The following CEP112 variants were observed in gnomAD, a reference collection of about 807,000 sequenced individuals.
CEP112 encodes centrosomal protein 112, also known as centrosomal protein of 112 kDa.
A neutral mutation model predicts 153.0 loss-of-function variants in CEP112; 127 were observed. The ratio of observed to expected loss-of-function variants is 0.83; its 90% CI spans 0.72 to 0.96. CEP112 has a LOEUF of 0.96. Among genes scored for constraint, CEP112 ranks in the 40% least tolerant of loss-of-function variants. The pLI is 0.00. For missense variants in CEP112, 1,089 were observed against 1,101.2 expected (o/e 0.99, Z 0.16); for synonymous variants, 358 against 374.4 (o/e 0.96, Z 0.51).
rs143494226 is a variant in CEP112, at chr17:65,698,831, T to A, written c.2608-9613A>T. On this transcript the variant is annotated intron_variant, in intron 23 of 26. Coordinates refer to ENST00000535342, the MANE Select transcript of CEP112 (RefSeq NM_001199165.4). ...TAAGCACTCAAACTTGAGTTCAGTCTCTGTGGAACAGAGTGTTAACTGTTA... is the reference window on the plus strand; with the variant it reads ...TAAGCACTCAAACTTGAGTTCAGTCACTGTGGAACAGAGTGTTAACTGTTA... Among the ~76,000 whole-genome samples the A allele has an allele frequency of 4.7e-4, 71 of 152,290 alleles. 1 individual carries two copies. The East Asian group carries it at 0.01, about 22-fold the overall frequency.
chr17:66,089,109 G>C (rs1216186406), intron 8 of CEP112, among the ~76,000 whole-genome samples: 1 of 152,176 alleles, frequency 6.6e-6, no homozygotes, highest in Non-Finnish European at 1.5e-5. Flanking sequence ...CCCACTTTCT[G>C]ACCCTGCCTG....
intron 17 of CEP112, among the ~76,000 whole-genome samples, chr17:65,985,138 T>G (rs1355850829): frequency 6.6e-6 from 1 of 152,116 alleles, no homozygotes; most frequent in Non-Finnish European, 1.5e-5. Flanking sequence ...AAGCCGCAGT[T>G]GAAGGGGTTG....
chr17:65,919,218 T>C (rs958872110), intron 19 of CEP112, among the ~76,000 whole-genome samples: 2 of 152,208 alleles, frequency 1.3e-5, no homozygotes, highest in Non-Finnish European at 2.9e-5. Context: ...AGTCTATGTT[T>C]GTTTTAATAG....
At chr17:65,911,835 T>A (rs1242888764) in intron 19 of CEP112, among the ~76,000 whole-genome samples, 2 of 152,194 alleles carry the variant, frequency 1.3e-5, no homozygotes, top group Non-Finnish European at 2.9e-5. Context: ...TATTTATCAA[T>A]CTCTCATAGA....
intron 4 of CEP112, among the ~76,000 whole-genome samples, chr17:66,132,969 G>A (rs577919294): frequency 2.6e-5 from 4 of 152,066 alleles, no homozygotes; most frequent in Non-Finnish European, 5.9e-5. Context: ...AACCTGGGAG[G>A]CAGAGGTTGC....
chr17:65,918,129 G>A (rs1177409694), intron 19 of CEP112, among the ~76,000 whole-genome samples: 1 of 147,636 alleles, frequency 6.8e-6, no homozygotes, highest in Non-Finnish European at 1.5e-5. Context: ...GCAGTGAGCC[G>A]AGATTGCGCC....
chr17:65,965,993 C>T lies in CEP112; in HGVS notation c.1737-4395G>A, dbSNP rs185612935. Among the ~76,000 whole-genome samples, 1,001 of 151,998 alleles carry T rather than the reference C, an allele frequency of 6.6e-3. 4 individuals carry two copies. The highest frequency in any genetic ancestry group is 7.8e-3 in the Non-Finnish European group (530 of 67,982). ...GAACAGCGCTCCTTTTTACCATGAT[C>T]CCAATAGTGCATCCTGAAAGAAGGA... is the stretch of plus-strand genomic sequence containing the variant. On this transcript the variant is annotated intron_variant, in intron 17 of 26. Transcript: ENST00000535342.
At chr17:66,175,998 T>A (rs1216931201) in intron 3 of CEP112, among the ~76,000 whole-genome samples, 2 of 152,202 alleles carry the variant, frequency 1.3e-5, no homozygotes, top group African/African-American at 2.4e-5. Context: ...CCACTCCATA[T>A]GGGACATGCA....
rs190747172 is a variant in CEP112, at chr17:65,730,761, C to T, written c.2607+12307G>A. Among the ~76,000 whole-genome samples the T allele has an allele frequency of 2.0e-4, 28 of 138,686 alleles. No individual in the cohort carries two copies. In the East Asian group the frequency reaches 5.3e-3, roughly 26 times the overall value. The allele number at this position is 138,686 out of a possible 152,430, so 91.0% of individuals were successfully genotyped here. ...CCCAATCTTATGAAATATTCTACAA[C>T]CCCCACCCCCCGCCCCCAACCAAGC... On this transcript the variant is annotated intron_variant, in intron 23 of 26. Transcript: ENST00000535342.
rs193166832 is a variant in CEP112 at position 66,030,870 on chromosome 17, G to A, written c.1219-847C>T. Among the ~76,000 whole-genome samples, 131 of 152,248 alleles carry A rather than the reference G, an allele frequency of 8.6e-4. 3 individuals are homozygous for A. The South Asian group carries it at 8.7e-3, about 10-fold the overall frequency. ...TAGTATGATGTTGCACTCAACTATT[G>A]TGTTATTCTAAGAGAACCATTTTAA... On this transcript the variant is annotated intron_variant, in intron 12 of 26. Coordinates refer to ENST00000535342, the MANE Select transcript of CEP112 (RefSeq NM_001199165.4).
chr17:65,991,045 G>T (rs2063575813), intron 17 of CEP112, among the ~76,000 whole-genome samples: 1 of 152,232 alleles, frequency 6.6e-6, no homozygotes, highest in African/African-American at 2.4e-5. Context: ...CAGGCTCTGA[G>T]ATGTCCTGGC....
Position 65,902,301 on chromosome 17 carries a change from TCTC to T in CEP112, c.2011_2013del (p.Glu671del), listed in dbSNP as rs2059899325. ...TTATGCTGCTGTAATAGGTGCGTCT[TCTC>T]CTGTTCATGCTCCAGCTTCAGCTCT... On this transcript the variant is annotated inframe_deletion, in exon 20 of 27. Coordinates refer to ENST00000535342, the MANE Select transcript of CEP112 (RefSeq NM_001199165.4). 6.2e-7 allele frequency: 1 copy of T among 1,613,582 alleles called. No individual in the cohort carries two copies. Among genetic ancestry groups the T allele is most frequent in the Non-Finnish European group, 8.5e-7 (1 of 1,179,890 alleles).
At chr17:66,188,265 G>C (rs895946292) in intron 1 of CEP112, among the ~76,000 whole-genome samples, 1 of 142,614 alleles carries the variant, frequency 7.0e-6, no homozygotes, top group African/African-American at 2.7e-5. Context: ...ATTTAGGCCT[G>C]TCTCTCACAC....
chr17:65,844,488 C>G (rs1165042607), intron 21 of CEP112, among the ~76,000 whole-genome samples: 1 of 151,450 alleles, frequency 6.6e-6, no homozygotes, highest in Non-Finnish European at 1.5e-5. Flanking sequence ...AGTTCAAGAC[C>G]AGCCTGGTCA....
At chr17:66,120,643 C>T (rs1022069362) in intron 6 of CEP112, among the ~76,000 whole-genome samples, 2 of 152,186 alleles carry the variant, frequency 1.3e-5, no homozygotes, top group Admixed American at 1.3e-4. Flanking sequence ...CAAATGTATG[C>T]CCATAGAGTT....
intron 4 of CEP112, among the ~76,000 whole-genome samples, chr17:66,157,021 C>T (rs1162084178): frequency 2.0e-5 from 3 of 152,098 alleles, no homozygotes; most frequent in Non-Finnish European, 4.4e-5. Context: ...TCAGGAAATA[C>T]AGAGAGCACT....
chr17:65,971,634 T>C (rs932387049), intron 17 of CEP112, among the ~76,000 whole-genome samples: 4 of 150,346 alleles, frequency 2.7e-5, no homozygotes, highest in Non-Finnish European at 5.9e-5. Context: ...CCATGCATAT[T>C]GCGTTATATT....
chr17:65,845,442 A>G (rs2057694772), intron 21 of CEP112, among the ~76,000 whole-genome samples: 1 of 152,228 alleles, frequency 6.6e-6, no homozygotes, highest in African/African-American at 2.4e-5. Flanking sequence ...ATGCTTTAAA[A>G]AGCAAGAGAT....
chr17:65,853,406 C>A (rs1568118848), intron 20 of CEP112, among the ~76,000 whole-genome samples: 9 of 152,084 alleles, frequency 5.9e-5, no homozygotes. Context: ...AATCCAGCAT[C>A]ACCTAATTTT....
Sources: gnomAD v4.1 joint callset for allele counts (sites outside exome capture counted in the v4.1 genomes callset) on GRCh38, gnomAD v4.1.1 for gene constraint, MANE v1.5 for transcripts, NCBI Gene and HGNC (gene_info 2026-07-23, HGNC 2026-07-21) for gene names.